GLT8D2: variants seen among roughly 807,000 people sequenced by gnomAD.
The protein encoded by GLT8D2 is glycosyltransferase 8 domain containing 2, also known as glycosyltransferase 8 domain-containing protein 2.
GLT8D2 carries 45 observed loss-of-function variants against 44.5 expected under a neutral mutation model. That is an observed-to-expected ratio of 1.01 (90% CI 0.80 to 1.30). The LOEUF is 1.30. GLT8D2 is among the 50% of genes most tolerant of loss of function. The pLI, the probability that GLT8D2 is intolerant of heterozygous loss-of-function variation, is 0.00. For missense variants in GLT8D2, 400 were observed against 430.4 expected, an observed-to-expected ratio of 0.93 and a Z score of 0.62; for synonymous variants, 156 against 157.2, an observed-to-expected ratio of 0.99 and a Z score of 0.06.
chr12:104,015,065 A>G lies in GLT8D2; in HGVS notation c.60T>C (p.Cys20=). 6.2e-7 allele frequency: 1 copy of G among 1,613,910 alleles called. No individual in the cohort carries two copies. Among genetic ancestry groups the G allele is most frequent in the South Asian group, 1.1e-5 (1 of 91,080 alleles). Residue 20 remains cysteine (C), a synonymous_variant, in exon 4 of 11, where the codon TGT becomes TGC. Transcript: ENST00000360814. The part of the protein sequence containing the change: ...VLLFLLIVTL[C]VILYKKVHKG... ...TATGAACTTTCTTATACAGAATCAC[A>G]CAGAGGGTCACGATCAGAAGGAACA...
intron 1 of GLT8D2, among the ~76,000 whole-genome samples, chr12:104,060,843 AG>A (rs1283857366): frequency 6.6e-6 from 1 of 152,140 alleles, no homozygotes; most frequent in Non-Finnish European, 1.5e-5. Context: ...GGATCACTTA[AG>A]CCTGGGAGGT....
At position 104,028,973 on chromosome 12, in the gene GLT8D2, T is replaced by G. The variant is rs531959835; in HGVS notation, c.-163-7482A>C. Among the ~76,000 whole-genome samples the G allele has an allele frequency of 4.6e-5, 7 of 152,008 alleles. No individual in the cohort carries two copies. The East Asian group carries it at 1.4e-3, about 29-fold the overall frequency. ...AAACCACGTTGGGAACTCTATAAGC[T>G]TGATAATGTAACAATGAAATGGAAA... On this transcript the variant is annotated intron_variant, in intron 1 of 10. Transcript: ENST00000360814.
chr12:103,994,270 T>A, intron 9 of GLT8D2, 65 bp downstream of exon 9: 1 of 1,471,150 alleles, frequency 6.8e-7, no homozygotes, highest in Non-Finnish European at 9.3e-7. Context: ...GAACTATGTG[T>A]GGAAAATTAA....
At chr12:104,021,912 GAAGAAGAAGAAGAAGAAGAAGAAGAAGAA>G (rs1877751713) in intron 1 of GLT8D2, among the ~76,000 whole-genome samples, 4 of 16,360 alleles carry the variant, frequency 2.4e-4, no homozygotes, top group Admixed American at 1.8e-3. Context: ...AGAAGAAGAA[GAAGAAGAAGAAGAAGAAGAAGAAGAAGAA>G]GAAGAAGAAG....
chr12:104,015,214 G>C, intron 3 of GLT8D2, 109 bp from the exon 4 acceptor site: 1 of 739,008 alleles, frequency 1.4e-6, no homozygotes, highest in Non-Finnish European at 2.3e-6. Flanking sequence ...CAGAGGAGTG[G>C]TATCTGAGAC....
chr12:104,028,304 G>C (rs1878824318), intron 1 of GLT8D2, among the ~76,000 whole-genome samples: 1 of 152,174 alleles, frequency 6.6e-6, no homozygotes, highest in South Asian at 2.1e-4. Flanking sequence ...GTGCGTGTGT[G>C]TGTGTGTATA....
At chr12:104,054,674 C>A (rs1409960036), upstream of GLT8D2, among the ~76,000 whole-genome samples, 1 of 152,066 alleles carries the variant, frequency 6.6e-6, no homozygotes, top group Non-Finnish European at 1.5e-5. Flanking sequence ...TGTCCTGCAG[C>A]TAGAGTGGCA....
chr12:103,993,654 A>C, intron 9 of GLT8D2, 150 bp from the exon 10 acceptor site: 1 of 582,886 alleles, frequency 1.7e-6, no homozygotes, highest in Non-Finnish European at 3.0e-6. Flanking sequence ...TTCATTTTGA[A>C]AATTGTCAAA....
upstream of GLT8D2, chr12:104,064,432 C>G (rs551940004): frequency 3.1e-6 from 3 of 965,702 alleles, no homozygotes; most frequent in South Asian, 7.4e-5. This position sits in a 1 kb window ranked among gnomAD's most constrained non-coding sequence, Gnocchi z 7.3. Context: ...CGCGGGCCTC[C>G]AGCCTGGCCG....
rs1873150549 is a variant in GLT8D2 at position 103,994,415 on chromosome 12, AC to A, written c.686del (p.Gly229ValfsTer2). The stretch of plus-strand genomic sequence containing the variant: ...ATTCTGTCATGTTGGCAACAATCAC[AC>A]CAGGATTGAAAGAGCAGGTGCTGGG... ...ISPSTCSFNP[G>X]VIVANMTEWK... On this transcript the variant is annotated frameshift_variant, in exon 9 of 11. Transcript: ENST00000360814. LOFTEE classifies it high-confidence loss of function. 1 of 1,613,970 alleles carries A rather than the reference AC, an allele frequency of 6.2e-7. No individual in the cohort carries two copies. Among genetic ancestry groups the A allele is most frequent in the African/African-American group, 1.3e-5 (1 of 74,908 alleles).
intron 6 of GLT8D2, among the ~76,000 whole-genome samples, chr12:103,998,076 C>T (rs1173960814): frequency 2.6e-5 from 4 of 152,104 alleles, no homozygotes; most frequent in African/African-American, 7.2e-5. Context: ...CCTCCGAAGT[C>T]ATGGCTTGTA....
At chr12:104,007,266 C>CTCTCTCTCTA (rs1555277856) in intron 4 of GLT8D2, among the ~76,000 whole-genome samples, 1 of 133,348 alleles carries the variant, frequency 7.5e-6, no homozygotes, top group Non-Finnish European at 1.7e-5. Flanking sequence ...CTCTCTCTCT[C>CTCTCTCTCTA]CCCCCGCTCT....
intron 10 of GLT8D2, among the ~76,000 whole-genome samples, chr12:103,990,067 G>A (rs1872527481): frequency 7.3e-6 from 1 of 137,372 alleles, no homozygotes; most frequent in Admixed American, 7.7e-5. Flanking sequence ...TATGTCTAGT[G>A]TATGTGTACA....
chr12:104,032,470 A>AAAT, intron 1 of GLT8D2, among the ~76,000 whole-genome samples: 1 of 82,502 alleles, frequency 1.2e-5, no homozygotes, highest in East Asian at 2.2e-3. Flanking sequence ...CAATAGCAAA[A>AAAT]AAAAAAAAAA....
At chr12:104,003,353 G>A in intron 4 of GLT8D2, 47 bp from the exon 5 acceptor site, 4 of 1,557,416 alleles carry the variant, frequency 2.6e-6, no homozygotes, top group Non-Finnish European at 3.5e-6. Context: ...GAATTTCACA[G>A]TAGAGCCAGT....
At chr12:104,048,118 T>C (rs552267103) in intron 1 of GLT8D2, among the ~76,000 whole-genome samples, 6 of 152,350 alleles carry the variant, frequency 3.9e-5, no homozygotes, top group African/African-American at 1.4e-4. Context: ...GATAATCTTA[T>C]GTCCTTAACT....
chr12:104,009,433 AC>A (rs1170457590), intron 4 of GLT8D2, among the ~76,000 whole-genome samples: 2 of 152,194 alleles, frequency 1.3e-5, no homozygotes, highest in East Asian at 1.9e-4. Context: ...AAATACCTGT[AC>A]CCCCACTGTA....
Position 104,003,228 on chromosome 12 carries a change from G to A in GLT8D2, c.191C>T (p.Ala64Val). ...VICAAAGRMG[A>V]TMAAINSIYS... ...GATGCTATTGATGGCAGCCATAGTG[G>A]CACCCATCCTCCCTGCTGCAGCACA... The change falls in exon 5 of 11, where the codon GCC becomes GTC. Residue 64 changes from alanine to valine, a missense_variant. By Grantham distance (64) the Ala-to-Val change is moderately conservative. Transcript: ENST00000360814. 6.2e-7 allele frequency: 1 copy of A among 1,613,928 alleles called. No individual in the cohort carries two copies. Among genetic ancestry groups the A allele is most frequent in the East Asian group, 2.2e-5 (1 of 44,864 alleles).
intron 1 of GLT8D2, among the ~76,000 whole-genome samples, chr12:104,045,935 GAAAA>G (rs756563514): frequency 2.3e-3 from 260 of 111,890 alleles, no homozygotes; most frequent in African/African-American, 7.5e-3. Flanking sequence ...AAGAAAGAAA[GAAAA>G]AGAAAGAAAG....
Sources: gnomAD v4.1 joint callset for allele counts (sites outside exome capture counted in the v4.1 genomes callset) on GRCh38, gnomAD v4.1.1 for gene constraint, Gnocchi (gnomAD v3.1) non-coding constraint, MANE v1.5 for transcripts, NCBI Gene and HGNC (gene_info 2026-07-23, HGNC 2026-07-21) for gene names.